The following SUPT3H variants were observed in gnomAD, a reference collection of about 807,000 sequenced individuals.
SUPT3H encodes transcription initiation protein SPT3 homolog.
In SUPT3H, 44 loss-of-function variants were observed where a neutral mutation model predicts 44.3. The observed-to-expected ratio is 0.99, with a 90% CI of 0.78 to 1.28. The LOEUF is 1.28. Among genes scored for constraint, SUPT3H ranks in the 50% most tolerant of loss-of-function variants. The pLI is 0.00. For synonymous variants in SUPT3H, 124 were observed against 125.6 expected, an observed-to-expected ratio of 0.99 and a Z score of 0.09; for missense variants, 380 against 387.1, an observed-to-expected ratio of 0.98 and a Z score of 0.15.
At chr6:45,127,836 A>C (rs1802674649) in intron 2 of SUPT3H, among the ~76,000 whole-genome samples, 1 of 152,218 alleles carries the variant, frequency 6.6e-6, no homozygotes, top group Non-Finnish European at 1.5e-5. Flanking sequence ...ATAAGCATTT[A>C]GAGCTATAAA....
At position 45,178,888 on chromosome 6, in the gene SUPT3H, C is replaced by A. The variant is rs540120358; in HGVS notation, c.102-72882G>T. On this transcript the variant is annotated intron_variant, in intron 2 of 10. Coordinates refer to ENST00000371459, the MANE Select transcript of SUPT3H (RefSeq NM_003599.4). Reference sequence around the variant, plus strand: ...CCAACGAGAACAAAGACACAACATACCAGAATCTCTGGGACACATTCAAAG... The same window carrying A: ...CCAACGAGAACAAAGACACAACATAACAGAATCTCTGGGACACATTCAAAG... 2.6e-5 allele frequency among the ~76,000 whole-genome samples: 4 copies of A among 151,560 alleles called. No individual in the cohort carries two copies. The East Asian group carries it at 7.7e-4, about 29-fold the overall frequency.
At chr6:45,115,219 T>C (rs1307776477) in intron 2 of SUPT3H, among the ~76,000 whole-genome samples, 5 of 152,046 alleles carry the variant, frequency 3.3e-5, no homozygotes, top group African/African-American at 1.2e-4. Context: ...GTTAAGACAT[T>C]TACCCGGGGA....
At chr6:45,173,553 G>A (rs2153607658) in intron 2 of SUPT3H, among the ~76,000 whole-genome samples, 1 of 152,268 alleles carries the variant, frequency 6.6e-6, no homozygotes, top group East Asian at 1.9e-4. Context: ...TCCTAAGAAA[G>A]CCAACCACTT....
intron 10 of SUPT3H, among the ~76,000 whole-genome samples, chr6:44,876,746 T>C (rs1777348792): frequency 6.8e-6 from 1 of 146,802 alleles, no homozygotes; most frequent in Non-Finnish European, 1.5e-5. Flanking sequence ...GAAAATACTT[T>C]GAGATGAATG....
rs537029049 is a variant in SUPT3H, at chr6:44,914,387, T to C, written c.912+18266A>G. On this transcript the variant is annotated intron_variant, in intron 10 of 10. Coordinates refer to ENST00000371459, the MANE Select transcript of SUPT3H (RefSeq NM_003599.4). Reference sequence around the variant, plus strand: ...ATTAGCTCCAATTATAGTTCCAGCATGGTGCTAGGAGCTCAGCTTCATACT... The same window carrying C: ...ATTAGCTCCAATTATAGTTCCAGCACGGTGCTAGGAGCTCAGCTTCATACT... 7.9e-5 allele frequency among the ~76,000 whole-genome samples: 12 copies of C among 152,348 alleles called. No homozygotes were observed. The East Asian group carries it at 1.9e-3, about 24-fold the overall frequency.
intron 2 of SUPT3H, among the ~76,000 whole-genome samples, chr6:45,312,727 G>C (rs1042457021): frequency 6.7e-6 from 1 of 149,344 alleles, no homozygotes. Context: ...GCACTAGACA[G>C]GTCAACAAGA....
chr6:44,902,432 A>G (rs1252727729), intron 10 of SUPT3H, among the ~76,000 whole-genome samples: 15 of 152,202 alleles, frequency 9.9e-5, no homozygotes, highest in Non-Finnish European at 1.9e-4. Context: ...AAAGAGACAA[A>G]GAAGTCCATA....
chr6:44,979,942 C>T (rs925815249), intron 6 of SUPT3H, among the ~76,000 whole-genome samples: 3 of 152,084 alleles, frequency 2.0e-5, no homozygotes, highest in Admixed American at 6.6e-5. Flanking sequence ...TCTTGAAGTA[C>T]GTTCTTATCA....
chr6:44,945,952 C>G (rs1467069430), intron 9 of SUPT3H, among the ~76,000 whole-genome samples: 1 of 152,124 alleles, frequency 6.6e-6, no homozygotes. Context: ...AGCTTCAAAG[C>G]TGACTCTCTT....
chr6:45,118,036 T>G (rs1801086766), intron 2 of SUPT3H, among the ~76,000 whole-genome samples: 1 of 152,102 alleles, frequency 6.6e-6, no homozygotes, highest in African/African-American at 2.4e-5. Flanking sequence ...AAGACACAAC[T>G]CTACTGAGAA....
At chr6:45,279,471 G>C (rs1395304951) in intron 2 of SUPT3H, among the ~76,000 whole-genome samples, 1 of 152,048 alleles carries the variant, frequency 6.6e-6, no homozygotes, top group Non-Finnish European at 1.5e-5. Flanking sequence ...TGAGTGGCTT[G>C]GTGCTGTCCT....
At chr6:45,317,893 T>A (rs550335238) in intron 2 of SUPT3H, among the ~76,000 whole-genome samples, 1 of 151,866 alleles carries the variant, frequency 6.6e-6, no homozygotes, top group East Asian at 1.9e-4. Flanking sequence ...ATCAACAGAG[T>A]AAAGAAACAA....
In SUPT3H at chr6:45,345,672, C is replaced by T. The variant is rs146273695; in HGVS notation, c.101+19529G>A. On this transcript the variant is annotated intron_variant, in intron 2 of 10. Transcript: ENST00000371459. Reference sequence around the variant, plus strand: ...TCATTCCCATTCCCTCTTACATGGACTACTACAATAGGTCTTTCCACAGCC... The same window carrying T: ...TCATTCCCATTCCCTCTTACATGGATTACTACAATAGGTCTTTCCACAGCC... Among the ~76,000 whole-genome samples, 336 of 152,280 alleles carry T rather than the reference C, an allele frequency of 2.2e-3. 1 individual carries two copies. Among genetic ancestry groups the T allele is most frequent in the African/African-American group, 7.4e-3 (309 of 41,564 alleles).
chr6:45,160,803 T>A (rs1000104521), intron 2 of SUPT3H, among the ~76,000 whole-genome samples: 2 of 152,118 alleles, frequency 1.3e-5, no homozygotes, highest in African/African-American at 4.8e-5. Context: ...ATTCTAGGTC[T>A]TGATATGAAT....
At chr6:45,175,090 G>A (rs565915465) in intron 2 of SUPT3H, among the ~76,000 whole-genome samples, 1 of 143,392 alleles carries the variant, frequency 7.0e-6, no homozygotes, top group South Asian at 2.2e-4. Flanking sequence ...CTGAATACTA[G>A]ATTGTTATTT....
At chr6:45,053,625 G>A (rs1256094414) in intron 3 of SUPT3H, among the ~76,000 whole-genome samples, 4 of 151,238 alleles carry the variant, frequency 2.6e-5, no homozygotes, top group Middle Eastern at 3.4e-3. Context: ...ATGGCCGGGT[G>A]CAGTGGTTCA....
At chr6:44,963,827 A>G (rs1776408027) in intron 6 of SUPT3H, among the ~76,000 whole-genome samples, 1 of 151,870 alleles carries the variant, frequency 6.6e-6, no homozygotes, top group African/African-American at 2.4e-5. Flanking sequence ...GTGAAACCCC[A>G]TCTCTACTAA....
At chr6:44,895,520 A>G (rs1367888342) in intron 10 of SUPT3H, among the ~76,000 whole-genome samples, 1 of 152,214 alleles carries the variant, frequency 6.6e-6, no homozygotes, top group Non-Finnish European at 1.5e-5. Flanking sequence ...TTTTGTTTTG[A>G]GAGACAGTCT....
intron 2 of SUPT3H, among the ~76,000 whole-genome samples, chr6:45,282,180 C>T (rs1584676225): frequency 6.6e-6 from 1 of 152,174 alleles, no homozygotes; most frequent in African/African-American, 2.4e-5. Context: ...AATCAGAGCA[C>T]CTCTCCTCCT....
Sources: allele counts gnomAD v4.1 joint callset (sites outside exome capture counted in the v4.1 genomes callset), GRCh38; gene constraint gnomAD v4.1.1; transcripts MANE v1.5; gene names NCBI Gene and HGNC (gene_info 2026-07-23, HGNC 2026-07-21).